Variants in NF1 observed in about 807,000 individuals in gnomAD.
NF1 encodes the protein neurofibromin 1.
NF1 carries 122 observed loss-of-function variants against 325.7 expected under a neutral mutation model. That is an observed-to-expected ratio of 0.37 (90% CI 0.32 to 0.44). The LOEUF is 0.44. Among genes scored for constraint, NF1 ranks in the 20% least tolerant of loss-of-function variants. NF1 has a pLI of 1.00. For synonymous variants in NF1, 1,091 were observed against 1,186.0 expected (o/e 0.92, Z 1.65); for missense variants, 2,140 against 3,415.4 (o/e 0.63, Z 9.31).
intron 1 of NF1, among the ~76,000 whole-genome samples, chr17:31,118,024 T>C (rs949377564): frequency 1.3e-5 from 2 of 152,234 alleles, no homozygotes; most frequent in Non-Finnish European, 2.9e-5. Context: ...GAATTATGCT[T>C]TCAAATATGG....
intron 36 of NF1, among the ~76,000 whole-genome samples, chr17:31,271,854 T>G: frequency 6.6e-6 from 1 of 151,666 alleles, no homozygotes; most frequent in African/African-American, 2.4e-5. Context: ...TCTCTGTCAC[T>G]GTTGCTCACT....
intron 36 of NF1, among the ~76,000 whole-genome samples, chr17:31,316,873 T>C (rs1435043891): frequency 6.6e-6 from 1 of 152,230 alleles, no homozygotes; most frequent in Middle Eastern, 3.2e-3. Flanking sequence ...TTTCCTCTCA[T>C]TTTAATAATA....
chr17:31,095,347 T>C lies in NF1; in HGVS notation c.38T>C (p.Val13Ala), dbSNP rs1911556061. 1 of 1,539,394 alleles carries C rather than the reference T, an allele frequency of 6.5e-7. No individual in the cohort carries two copies. Among genetic ancestry groups the C allele is most frequent in the Non-Finnish European group, 8.7e-7 (1 of 1,146,320 alleles). ...AHRPVEWVQA[V>A]VSRFDEQLPI... ...AGGCCGGTGGAATGGGTCCAGGCCG[T>C]GGTCAGCCGCTTCGACGAGCAGGTA... is the stretch of plus-strand genomic sequence containing the variant. Residue 13 changes from valine (V) to alanine (A), a missense_variant, in exon 1 of 58, where the codon GTG (valine) becomes GCG (alanine). Val to Ala is a moderately conservative substitution (Grantham distance 64, BLOSUM62 0). This residue lies in a region of NF1 where 246 missense variants were observed against 347.8 expected (regional missense o/e 0.71). Coordinates refer to ENST00000358273, the MANE Select transcript of NF1 (RefSeq NM_001042492.3).
intron 29 of NF1, among the ~76,000 whole-genome samples, chr17:31,238,945 T>C (rs1777044662): frequency 6.6e-6 from 1 of 152,198 alleles, no homozygotes; most frequent in African/African-American, 2.4e-5. Flanking sequence ...ACCTAACTTC[T>C]AGGCAGATTA....
intron 36 of NF1, among the ~76,000 whole-genome samples, chr17:31,274,816 T>A (rs1274996556): frequency 1.3e-5 from 2 of 152,162 alleles, no homozygotes; most frequent in African/African-American, 4.8e-5. Flanking sequence ...AATCTTGACC[T>A]TTTGAGTACT....
chr17:31,146,867 T>G (rs979707441), intron 1 of NF1, among the ~76,000 whole-genome samples: 20 of 152,330 alleles, frequency 1.3e-4, no homozygotes, highest in Admixed American at 3.3e-4. Context: ...GGGAAGGATA[T>G]GACCTTGAAC....
At chr17:31,173,446 A>G (rs1266950146) in intron 5 of NF1, among the ~76,000 whole-genome samples, 1 of 152,026 alleles carries the variant, frequency 6.6e-6, no homozygotes, top group Non-Finnish European at 1.5e-5. Flanking sequence ...AATACAAAAA[A>G]TTAGCCGGGT....
At chr17:31,279,832 G>A (rs1317061617) in intron 36 of NF1, among the ~76,000 whole-genome samples, 1 of 152,130 alleles carries the variant, frequency 6.6e-6, no homozygotes, top group South Asian at 2.1e-4. Context: ...CTTTGAGCAA[G>A]TTTGTCTTCC....
At chr17:31,137,388 C>T (rs554913398) in intron 1 of NF1, 1 of 152,222 alleles carries the variant, frequency 6.6e-6, no homozygotes, top group East Asian at 1.9e-4. Flanking sequence ...TTTTGTGTCT[C>T]CTAAATGTAA....
At chr17:31,316,542 GAC>G (rs1286094935) in intron 36 of NF1, among the ~76,000 whole-genome samples, 1 of 152,046 alleles carries the variant, frequency 6.6e-6, no homozygotes, top group African/African-American at 2.4e-5. Flanking sequence ...AATTTTCTCT[GAC>G]ACGTGTTTAT....
chr17:31,270,945 CTTAT>C (rs889199058), intron 36 of NF1, among the ~76,000 whole-genome samples: 2 of 152,160 alleles, frequency 1.3e-5, no homozygotes, highest in African/African-American at 4.8e-5. Context: ...GGGGCAGGGC[CTTAT>C]TTATATATTT....
chr17:31,358,304 C>A (rs1597867811), intron 54 of NF1, 176 bp from the exon 55 acceptor site: 1 of 653,832 alleles, frequency 1.5e-6, no homozygotes, highest in East Asian at 2.7e-5. Flanking sequence ...CAGACACACA[C>A]ACATGTTCAT....
intron 8 of NF1, among the ~76,000 whole-genome samples, chr17:31,193,372 A>G (rs2066380401): frequency 6.6e-6 from 1 of 152,150 alleles, no homozygotes; most frequent in African/African-American, 2.4e-5. Context: ...TCTTGCTATT[A>G]TGTTGCCCAG....
At chr17:31,310,402 A>G (rs2068838485) in intron 36 of NF1, among the ~76,000 whole-genome samples, 2 of 151,668 alleles carry the variant, frequency 1.3e-5, no homozygotes, top group Non-Finnish European at 1.5e-5. Flanking sequence ...GGCAGTGTAG[A>G]TGATTGAAGT....
intron 1 of NF1, among the ~76,000 whole-genome samples, chr17:31,118,038 G>A (rs972481424): frequency 1.3e-5 from 2 of 152,188 alleles, no homozygotes; most frequent in African/African-American, 2.4e-5. Context: ...AATATGGTAC[G>A]CATATGAAAG....
chr17:31,210,018 TA>T (rs1446940747), intron 12 of NF1, among the ~76,000 whole-genome samples: 3 of 152,166 alleles, frequency 2.0e-5, no homozygotes, highest in Non-Finnish European at 2.9e-5. Context: ...AACTGAAGCT[TA>T]AATAAAGTTA....
chr17:31,136,744 T>C (rs17883182), intron 1 of NF1: 180 of 152,216 alleles, frequency 1.2e-3, no homozygotes, highest in African/African-American at 3.9e-3. Context: ...TTATAATTGT[T>C]CTTTTTTTAA....
intron 36 of NF1, among the ~76,000 whole-genome samples, chr17:31,281,171 T>A (rs919787046): frequency 6.6e-6 from 1 of 152,238 alleles, no homozygotes; most frequent in African/African-American, 2.4e-5. Flanking sequence ...GTCATTTTGG[T>A]AAGAGGCTAG....
At chr17:31,302,773 AG>A (rs960776423) in intron 36 of NF1, among the ~76,000 whole-genome samples, 15 of 152,132 alleles carry the variant, frequency 9.9e-5, no homozygotes, top group Non-Finnish European at 1.5e-5. Flanking sequence ...TTAACGTGGG[AG>A]GCGGAGGTTG....
Sources: allele counts gnomAD v4.1 joint callset (sites outside exome capture counted in the v4.1 genomes callset), GRCh38; gene constraint gnomAD v4.1.1; regional missense constraint gnomAD v4.1.1; transcripts MANE v1.5; gene names NCBI Gene and HGNC (gene_info 2026-07-23, HGNC 2026-07-21).